CIRSR: variants seen among roughly 807,000 people sequenced by gnomAD.
The protein encoded by CIRSR is corepressor of RBPJ and splicing regulator.
the CIRSR span, among the ~76,000 whole-genome samples, chr2:174,393,690 TA>T: frequency 9.6e-3 from 1,315 of 136,740 alleles, 12 homozygotes; most frequent in African/African-American, 0.016. Context: ...CCACTTCTAT[TA>T]AAAAAAAAAA....
the CIRSR span, among the ~76,000 whole-genome samples, chr2:174,353,600 T>C: frequency 1.3e-5 from 2 of 152,078 alleles, no homozygotes; most frequent in Non-Finnish European, 2.9e-5. Flanking sequence ...CTGGAGTAGC[T>C]GGGATTACAG....
At chr2:174,371,362 A>C in the CIRSR span, among the ~76,000 whole-genome samples, 1 of 152,362 alleles carries the variant, frequency 6.6e-6, no homozygotes, top group African/African-American at 2.4e-5. Flanking sequence ...ATTTAAATAT[A>C]CATTAAAAAC....
the CIRSR span, among the ~76,000 whole-genome samples, chr2:174,392,169 T>C: frequency 6.6e-6 from 1 of 152,194 alleles, no homozygotes; most frequent in Non-Finnish European, 1.5e-5. Context: ...AGCTAATTTT[T>C]GTACTTTTAG....
At chr2:174,360,018 C>A in the CIRSR span, among the ~76,000 whole-genome samples, 1 of 152,098 alleles carries the variant, frequency 6.6e-6, no homozygotes. Context: ...AATGAGAACA[C>A]TCGGACACAG....
the CIRSR span, among the ~76,000 whole-genome samples, chr2:174,361,729 A>C: frequency 3.9e-5 from 6 of 152,352 alleles, no homozygotes; most frequent in South Asian, 1.2e-3. Flanking sequence ...GTTCATTTTC[A>C]TATGGTTAGA....
chr2:174,386,893 T>C, the CIRSR span, among the ~76,000 whole-genome samples: 1 of 152,208 alleles, frequency 6.6e-6, no homozygotes, highest in Non-Finnish European at 1.5e-5. Context: ...TATATGTATT[T>C]GTATCTCTTA....
the CIRSR span, among the ~76,000 whole-genome samples, chr2:174,352,369 T>G: frequency 6.6e-6 from 1 of 152,156 alleles, no homozygotes; most frequent in East Asian, 1.9e-4. Context: ...ATGTTTTATA[T>G]TTTTTTACAC....
chr2:174,354,532 TTA>T, the CIRSR span, among the ~76,000 whole-genome samples: 2 of 55,468 alleles, frequency 3.6e-5, no homozygotes, highest in African/African-American at 6.4e-5. Flanking sequence ...ATTTTATATA[TTA>T]TATAATATAT....
At chr2:174,368,208 C>A in the CIRSR span, among the ~76,000 whole-genome samples, 1 of 151,318 alleles carries the variant, frequency 6.6e-6, no homozygotes, top group Non-Finnish European at 1.5e-5. Flanking sequence ...CTGAATAGTA[C>A]CATCCATCAA....
chr2:174,382,921 ACAAT>A, the CIRSR span, among the ~76,000 whole-genome samples: 5 of 152,226 alleles, frequency 3.3e-5, no homozygotes, highest in Admixed American at 6.5e-5. Flanking sequence ...TTTGGAAAAG[ACAAT>A]CACAAAGGAT....
chr2:174,375,480 T>C, the CIRSR span, among the ~76,000 whole-genome samples: 2 of 152,112 alleles, frequency 1.3e-5, no homozygotes, highest in African/African-American at 4.8e-5. Context: ...TGGTGGCTTA[T>C]GCCTGTGAGT....
At chr2:174,378,506 A>AT in the CIRSR span, among the ~76,000 whole-genome samples, 1 of 146,606 alleles carries the variant, frequency 6.8e-6, no homozygotes, top group Non-Finnish European at 1.5e-5. Flanking sequence ...GTAAAAAACA[A>AT]TTTTAACATA....
chr2:174,356,467 A>G, the CIRSR span, among the ~76,000 whole-genome samples: 1 of 151,632 alleles, frequency 6.6e-6, no homozygotes, highest in Non-Finnish European at 1.5e-5. Flanking sequence ...AGATCCTGTC[A>G]AAAGACAGAC....
chr2:174,350,679 G>A, the CIRSR span: 29 of 1,604,988 alleles, frequency 1.8e-5, no homozygotes, highest in Non-Finnish European at 2.5e-5. Context: ...TTCTGTTTTT[G>A]TTTGGTTGTT....
At chr2:174,363,205 C>T in the CIRSR span, among the ~76,000 whole-genome samples, 1 of 152,178 alleles carries the variant, frequency 6.6e-6, no homozygotes, top group Non-Finnish European at 1.5e-5. Context: ...GACCTAATCA[C>T]AGAATAAGAG....
At chr2:174,391,797 A>C in the CIRSR span, among the ~76,000 whole-genome samples, 1 of 152,242 alleles carries the variant, frequency 6.6e-6, no homozygotes, top group Non-Finnish European at 1.5e-5. Context: ...AAAAGGAAAA[A>C]GTACCAATAC....
At chr2:174,349,558 C>G in the CIRSR span, among the ~76,000 whole-genome samples, 2 of 101,056 alleles carry the variant, frequency 2.0e-5, 1 homozygote, top group South Asian at 8.5e-4. Context: ...GAGTGAGACT[C>G]TGTCTTAAAA....
chr2:174,358,916 C>A, the CIRSR span, among the ~76,000 whole-genome samples: 1 of 151,368 alleles, frequency 6.6e-6, no homozygotes, highest in East Asian at 2.0e-4. Flanking sequence ...TTCACCATAT[C>A]GGCCAGGCTG....
At chr2:174,387,055 T>A in the CIRSR span, among the ~76,000 whole-genome samples, 2 of 152,226 alleles carry the variant, frequency 1.3e-5, no homozygotes, top group Admixed American at 1.3e-4. Context: ...TTAACTTTCC[T>A]CTCAATATAT....
Sources: allele counts gnomAD v4.1 joint callset (sites outside exome capture counted in the v4.1 genomes callset), GRCh38; gene constraint gnomAD v4.1.1; transcripts MANE v1.5; gene names NCBI Gene and HGNC (gene_info 2026-07-23, HGNC 2026-07-21).